The following AOAH variants were observed in gnomAD, a reference collection of about 807,000 sequenced individuals.
AOAH encodes the protein acyloxyacyl hydrolase, also known as acyloxyacyl hydrolase (neutrophil).
AOAH carries 64 observed loss-of-function variants against 92.2 expected under a neutral mutation model. That is an observed-to-expected ratio of 0.69 (90% confidence interval 0.57 to 0.86). The LOEUF (loss-of-function observed/expected upper bound fraction) is 0.86, where lower values mean the gene tolerates loss of function less well. AOAH is among the 40% of genes least tolerant of loss of function. The pLI is 0.00. For synonymous variants in AOAH, 263 were observed against 254.5 expected (o/e 1.03, Z -0.32); for missense variants, 656 against 694.6 (o/e 0.94, Z 0.62).
intron 14 of AOAH, among the ~76,000 whole-genome samples, chr7:36,549,119 C>G (rs1583789975): frequency 6.6e-6 from 1 of 152,264 alleles, no homozygotes; most frequent in East Asian, 1.9e-4. Flanking sequence ...ACACCTCGAG[C>G]CTTGCTTCTG....
At chr7:36,517,175 T>TCTCTTTCTTTCG (rs1491580696) in intron 20 of AOAH, among the ~76,000 whole-genome samples, 15 of 52,056 alleles carry the variant, frequency 2.9e-4, no homozygotes, top group African/African-American at 9.5e-4. Context: ...TCTTTCTTTC[T>TCTCTTTCTTTCG]TTCTTTCTTT....
At chr7:36,531,920 C>T (rs1290587425) in intron 18 of AOAH, among the ~76,000 whole-genome samples, 2 of 151,950 alleles carry the variant, frequency 1.3e-5, no homozygotes, top group East Asian at 3.9e-4. Context: ...ACGAGAGAGA[C>T]AGTGGCTGAG....
intron 6 of AOAH, among the ~76,000 whole-genome samples, chr7:36,631,254 G>A (rs1793066029): frequency 6.6e-6 from 1 of 152,140 alleles, no homozygotes; most frequent in African/African-American, 2.4e-5. Context: ...GGCTGAGGCA[G>A]GAGAATTGCT....
At chr7:36,635,026 T>C (rs978593106) in intron 5 of AOAH, among the ~76,000 whole-genome samples, 4 of 152,144 alleles carry the variant, frequency 2.6e-5, no homozygotes, top group African/African-American at 9.7e-5. Flanking sequence ...GGTCTTTTCA[T>C]TACATAGTAT....
chr7:36,627,137 G>T (rs1172636091), intron 6 of AOAH, among the ~76,000 whole-genome samples: 2 of 152,182 alleles, frequency 1.3e-5, no homozygotes, highest in Non-Finnish European at 2.9e-5. Flanking sequence ...AGTTCCTACA[G>T]TTCCTGCAAT....
chr7:36,535,018 C>CTG (rs1157335460), intron 16 of AOAH, among the ~76,000 whole-genome samples: 2 of 20,812 alleles, frequency 9.6e-5, no homozygotes, highest in Non-Finnish European at 1.2e-4. Flanking sequence ...CTGTGTGTGT[C>CTG]TGTGTCTGTG....
chr7:36,598,707 C>A (rs992880186), intron 11 of AOAH, among the ~76,000 whole-genome samples: 1 of 151,984 alleles, frequency 6.6e-6, no homozygotes, highest in Non-Finnish European at 1.5e-5. Flanking sequence ...TATTTTTTTT[C>A]CTTAGTAAAT....
At chr7:36,517,471 C>A (rs1783853863) in intron 20 of AOAH, among the ~76,000 whole-genome samples, 2 of 151,800 alleles carry the variant, frequency 1.3e-5, no homozygotes, top group South Asian at 2.1e-4. Context: ...AAAGGAAAAC[C>A]TGTTCATTCT....
rs1398851326 is a variant in AOAH, at chr7:36,522,101, G to C, written c.1537C>G (p.Gln513Glu). 6.2e-7 allele frequency: 1 copy of C among 1,614,038 alleles called. No individual in the cohort carries two copies. Among genetic ancestry groups the C allele is most frequent in the Non-Finnish European group, 8.5e-7 (1 of 1,180,010 alleles). The change falls in exon 20 of 21, where the codon CAG (glutamine) becomes GAG (glutamate). Residue 513 changes from glutamine to glutamate, a missense_variant. Coordinates refer to ENST00000617537, the MANE Select transcript of AOAH (RefSeq NM_001637.4). ...FAFHEIIQEW[Q>E]KRGGQPWQLI... ...TGCCAGGGCTGTCCGCCTCTCTTCTGCCACTCCTGTATGACTGCAGGGCAC... is the reference window on the plus strand; with the variant it reads ...TGCCAGGGCTGTCCGCCTCTCTTCTCCCACTCCTGTATGACTGCAGGGCAC...
intron 5 of AOAH, among the ~76,000 whole-genome samples, chr7:36,634,329 C>T (rs974343294): frequency 1.3e-5 from 2 of 152,142 alleles, no homozygotes; most frequent in Admixed American, 6.5e-5. Context: ...CTGACCTAAT[C>T]GGTTATGTTA....
chr7:36,618,212 C>T (rs1792032689), intron 10 of AOAH, 85 bp downstream of exon 10: 13 of 1,193,648 alleles, frequency 1.1e-5, no homozygotes, highest in Non-Finnish European at 1.5e-5. Flanking sequence ...CACGTTCTGA[C>T]TTAGGTGGTC....
chr7:36,643,115 A>C (rs1222896766), intron 4 of AOAH, among the ~76,000 whole-genome samples: 1 of 152,234 alleles, frequency 6.6e-6, no homozygotes, highest in Non-Finnish European at 1.5e-5. Flanking sequence ...TAATTGCAAC[A>C]TCAGCCTACA....
rs766644181 is a variant in AOAH at position 36,659,259 on chromosome 7, G to C, written c.297C>G (p.Ser99Arg). Reference sequence around the variant, plus strand: ...ATACCACATCAGCATTCATATCTGCGCTAAGCCTGGAGGGAAACGGTGCAA... The same window carrying C: ...ATACCACATCAGCATTCATATCTGCCCTAAGCCTGGAGGGAAACGGTGCAA... ...KFGSDIIKLL[S>R]ADMNADVVCH... Residue 99 changes from serine to arginine, a missense_variant, in exon 4 of 21, where the codon AGC becomes AGG. By Grantham distance (110) the Ser-to-Arg change is moderately radical. Coordinates refer to ENST00000617537, the MANE Select transcript of AOAH (RefSeq NM_001637.4). The C allele has an allele frequency of 2.5e-6, 4 of 1,613,598 alleles. No individual in the cohort carries two copies. In the East Asian group the frequency reaches 6.7e-5, roughly 27 times the overall value.
intron 13 of AOAH, among the ~76,000 whole-genome samples, chr7:36,555,356 G>A (rs1489009765): frequency 6.6e-6 from 1 of 152,146 alleles, no homozygotes; most frequent in Non-Finnish European, 1.5e-5. Context: ...TGGTGGATAA[G>A]CTTTTTGATG....
At chr7:36,577,348 T>C (rs1788585968) in intron 12 of AOAH, among the ~76,000 whole-genome samples, 1 of 152,102 alleles carries the variant, frequency 6.6e-6, no homozygotes, top group Non-Finnish European at 1.5e-5. Context: ...CTGCCCAGAA[T>C]AGGAAAGCTG....
chr7:36,644,847 C>G (rs1219950789), intron 4 of AOAH, among the ~76,000 whole-genome samples: 1 of 148,440 alleles, frequency 6.7e-6, no homozygotes, highest in Non-Finnish European at 1.5e-5. Context: ...AAGGAGAAAG[C>G]CCCTGGGAAG....
At position 36,540,528 on chromosome 7, in the gene AOAH, T is replaced by C. The variant is rs777739082; in HGVS notation, c.1134-37A>G. Reference sequence around the variant, plus strand: ...ATAAACAGAAAATATCTTGGTTGATTGTAAGGATAGATGCATGCAAGTTGC... The same window carrying C: ...ATAAACAGAAAATATCTTGGTTGATCGTAAGGATAGATGCATGCAAGTTGC... On this transcript the variant is annotated intron_variant, in intron 15 of 20. Transcript: ENST00000617537. The C allele has an allele frequency of 5.1e-6, 8 of 1,582,784 alleles. No individual in the cohort carries two copies. In the African/African-American group the frequency reaches 9.4e-5, roughly 19 times the overall value.
At chr7:36,709,394 G>A (rs1341616058) in intron 1 of AOAH, among the ~76,000 whole-genome samples, 12 of 152,156 alleles carry the variant, frequency 7.9e-5, no homozygotes, top group Admixed American at 7.2e-4. Flanking sequence ...GGAGGCCACA[G>A]TATAGTTGCT....
At chr7:36,635,793 G>A (rs1793479251) in intron 5 of AOAH, among the ~76,000 whole-genome samples, 2 of 152,264 alleles carry the variant, frequency 1.3e-5, no homozygotes, top group South Asian at 4.1e-4. Flanking sequence ...TATGTGGGGT[G>A]AGCACATAAC....
Sources: gnomAD v4.1 joint callset for allele counts (sites outside exome capture counted in the v4.1 genomes callset) on GRCh38, gnomAD v4.1.1 for gene constraint, MANE v1.5 for transcripts, NCBI Gene and HGNC (gene_info 2026-07-23, HGNC 2026-07-21) for gene names.